RAP1B: variants seen among roughly 807,000 people sequenced by gnomAD.
The protein encoded by RAP1B is RAP1B, member of RAS oncogene family.
In RAP1B, 1 loss-of-function variant was observed where a neutral mutation model predicts 27.5. The ratio of observed to expected loss-of-function variants is 0.04; its 90% CI spans 0.01 to 0.17. The LOEUF is 0.17. Among genes scored for constraint, RAP1B ranks in the 10% least tolerant of loss-of-function variants. RAP1B has a pLI of 1.00. For synonymous variants in RAP1B, 75 were observed against 73.1 expected (o/e 1.03, Z -0.13); for missense variants, 84 against 214.8 (o/e 0.39, Z 3.81).
At position 68,610,991 on chromosome 12, in the gene RAP1B, C is replaced by T. The variant is rs11177310; in HGVS notation, c.-79C>T. 6.2e-6 allele frequency: 2 copies of T among 322,722 alleles called. No individual in the cohort carries two copies. Among genetic ancestry groups the T allele is most frequent in the Non-Finnish European group, 1.1e-5 (2 of 176,694 alleles). 20.0% of individuals were successfully genotyped at this position (322,722 alleles called of 1,614,324 possible). ...CGCCGTGGCGCCTAGAGTAGCGACCCGGGGGGAGCGCGGGGCGACGCTGGC... is the reference window on the plus strand; with the variant it reads ...CGCCGTGGCGCCTAGAGTAGCGACCTGGGGGGAGCGCGGGGCGACGCTGGC... On this transcript the variant is annotated 5_prime_UTR_variant, in exon 1 of 8. Transcript: ENST00000250559.
chr12:68,627,331 G>T, intron 1 of RAP1B: 2 of 751,840 alleles, frequency 2.7e-6, no homozygotes, highest in East Asian at 2.5e-5. Flanking sequence ...TGCACACTGG[G>T]CCCCCCCATG....
intron 1 of RAP1B, among the ~76,000 whole-genome samples, chr12:68,620,270 G>C (rs1033756964): frequency 1.3e-5 from 2 of 151,272 alleles, no homozygotes; most frequent in African/African-American, 4.9e-5. Context: ...AGGATGGACT[G>C]TGGAATGCAA....
chr12:68,656,164 C>A, intron 5 of RAP1B, 142 bp from the exon 6 acceptor site: 1 of 715,304 alleles, frequency 1.4e-6, no homozygotes, highest in Non-Finnish European at 2.3e-6. Context: ...ATTGTTAAGG[C>A]TGTAAATTTT....
chr12:68,617,237 G>A (rs910222681), intron 1 of RAP1B, among the ~76,000 whole-genome samples: 1 of 152,140 alleles, frequency 6.6e-6, no homozygotes, highest in African/African-American at 2.4e-5. Context: ...TGCGCCAAAA[G>A]GTATGTATGT....
intron 1 of RAP1B, among the ~76,000 whole-genome samples, chr12:68,623,391 T>C (rs574592519): frequency 1.3e-5 from 2 of 152,332 alleles, no homozygotes; most frequent in East Asian, 3.9e-4. Flanking sequence ...ACTACAGAAA[T>C]TGAAGTAAAT....
At chr12:68,650,349 G>C in intron 2 of RAP1B, 51 bp from the exon 3 acceptor site, 1 of 1,389,596 alleles carries the variant, frequency 7.2e-7, no homozygotes, top group Non-Finnish European at 9.6e-7. Flanking sequence ...ATTAAAGATT[G>C]AATGTACTCT....
intron 3 of RAP1B, 118 bp from the exon 4 acceptor site, chr12:68,651,877 G>A (rs1203276909): frequency 2.8e-6 from 2 of 715,334 alleles, no homozygotes; most frequent in Non-Finnish European, 4.7e-6. Flanking sequence ...CTGGATATTA[G>A]TTTGTAAAGT....
Position 68,656,333 on chromosome 12 carries a change from T to G in RAP1B, c.352T>G (p.Cys118Gly), listed in dbSNP as rs1874203196. Residue 118 changes from cysteine (C) to glycine (G), a missense_variant, in exon 6 of 8, where the codon TGT becomes GGT. Transcript: ENST00000250559. Reference protein sequence around the residue: ...DVPMILVGNKCDLEDERVVGK... With the variant: ...DVPMILVGNKGDLEDERVVGK... ...TCCAATGATTCTTGTTGGTAATAAG[T>G]GTGACTTGGAAGATGAAAGAGTTGT... 1 of 1,606,668 alleles carries G rather than the reference T, an allele frequency of 6.2e-7. No homozygotes were observed. The highest frequency in any genetic ancestry group is 8.5e-7 in the Non-Finnish European group (1 of 1,173,544).
chr12:68,624,369 G>A (rs1871599381), intron 1 of RAP1B: 1 of 151,952 alleles, frequency 6.6e-6, no homozygotes, highest in Non-Finnish European at 1.5e-5. Context: ...GATTTTTTTA[G>A]TCTTATAAGG....
At chr12:68,652,735 T>C (rs1873905929) in intron 4 of RAP1B, among the ~76,000 whole-genome samples, 1 of 152,144 alleles carries the variant, frequency 6.6e-6, no homozygotes, top group African/African-American at 2.4e-5. Context: ...GGAGAATAGC[T>C]TGAACCCGGG....
intron 1 of RAP1B, among the ~76,000 whole-genome samples, chr12:68,618,086 CTTTTTTTTTTTTT>C (rs36224976): frequency 4.9e-5 from 3 of 60,788 alleles, no homozygotes; most frequent in African/African-American, 1.1e-4. Context: ...TTCTATAAAG[CTTTTTTTTTTTTT>C]TTTTTTTTTT....
chr12:68,654,430 G>A (rs572214081), intron 5 of RAP1B, among the ~76,000 whole-genome samples, 178 bp downstream of exon 5: 4 of 150,058 alleles, frequency 2.7e-5, no homozygotes, highest in African/African-American at 4.9e-5. Flanking sequence ...TATATATCAT[G>A]TGGAAAGTGA....
intron 3 of RAP1B, among the ~76,000 whole-genome samples, chr12:68,651,046 T>C (rs898501773): frequency 6.6e-6 from 1 of 152,260 alleles, no homozygotes; most frequent in African/African-American, 2.4e-5. Flanking sequence ...TTTAATATTC[T>C]TATGCATGAT....
At chr12:68,648,879 C>T (rs1873612881) in intron 2 of RAP1B, 98 bp downstream of exon 2, 3 of 1,094,132 alleles carry the variant, frequency 2.7e-6, no homozygotes, top group Admixed American at 2.9e-5. Flanking sequence ...AGATAAAATT[C>T]CTTAATGACT....
At chr12:68,650,379 G>A (rs765079993) in intron 2 of RAP1B, 21 bp from the exon 3 acceptor site, 13 of 1,519,328 alleles carry the variant, frequency 8.6e-6, no homozygotes, top group Non-Finnish European at 1.2e-5. Context: ...AAGTATAATG[G>A]TTTCTTAATT....
intron 1 of RAP1B, among the ~76,000 whole-genome samples, chr12:68,634,472 AT>A (rs1391919796): frequency 6.6e-6 from 1 of 152,120 alleles, no homozygotes; most frequent in Admixed American, 6.5e-5. Flanking sequence ...AAAAAAGGAC[AT>A]TTTTTTAAGT....
chr12:68,638,289 T>C (rs1031374971), intron 1 of RAP1B, among the ~76,000 whole-genome samples: 3 of 152,188 alleles, frequency 2.0e-5, no homozygotes, highest in Non-Finnish European at 4.4e-5. Context: ...GTCTCTTTAT[T>C]TGTGGTATTA....
intron 1 of RAP1B, among the ~76,000 whole-genome samples, chr12:68,618,944 C>A (rs1333141772): frequency 6.6e-6 from 1 of 151,666 alleles, no homozygotes; most frequent in Non-Finnish European, 1.5e-5. Flanking sequence ...CCTGTCTCTC[C>A]TATTAAAAAA....
At chr12:68,620,717 G>A (rs761046851) in intron 1 of RAP1B, among the ~76,000 whole-genome samples, 6 of 150,780 alleles carry the variant, frequency 4.0e-5, no homozygotes, top group African/African-American at 1.2e-4. Context: ...GCATCTCAGC[G>A]TCCCAAGTAG....
Sources: gnomAD v4.1 joint callset for allele counts (sites outside exome capture counted in the v4.1 genomes callset) on GRCh38, gnomAD v4.1.1 for gene constraint, MANE v1.5 for transcripts, NCBI Gene and HGNC (gene_info 2026-07-23, HGNC 2026-07-21) for gene names.